The following PIP4K2A variants were observed in gnomAD, a reference collection of about 807,000 sequenced individuals.
The protein encoded by PIP4K2A is phosphatidylinositol-5-phosphate 4-kinase type 2 alpha, also known as phosphatidylinositol 5-phosphate 4-kinase type-2 alpha.
In PIP4K2A, 14 loss-of-function variants were observed where a neutral mutation model predicts 42.9. That is an observed-to-expected ratio of 0.33 (90% confidence interval 0.22 to 0.51). PIP4K2A has a LOEUF of 0.51. Ranked by LOEUF, PIP4K2A falls within the 20% of genes least tolerant of loss-of-function variation. PIP4K2A has a pLI of 0.97. For missense variants in PIP4K2A, 434 were observed against 519.8 expected (o/e 0.83, Z 1.61); for synonymous variants, 192 against 192.2 (o/e 1.00, Z 0.01).
chr10:22,590,382 T>C (rs1837483897), intron 4 of PIP4K2A, among the ~76,000 whole-genome samples: 1 of 152,210 alleles, frequency 6.6e-6, no homozygotes, highest in Non-Finnish European at 1.5e-5. Context: ...AGTGACTTAG[T>C]TGTTACGTTA....
chr10:22,547,577 C>T (rs956437975), intron 7 of PIP4K2A, among the ~76,000 whole-genome samples: 6 of 152,226 alleles, frequency 3.9e-5, no homozygotes, highest in East Asian at 1.9e-4. Context: ...CTACTCCCAC[C>T]GCCCTATCCC....
chr10:22,707,108 C>A (rs925680221), intron 1 of PIP4K2A, among the ~76,000 whole-genome samples: 6 of 152,128 alleles, frequency 3.9e-5, no homozygotes, highest in Admixed American at 1.3e-4. Flanking sequence ...TACAGCAAGA[C>A]CCTGTCTCTA....
intron 7 of PIP4K2A, among the ~76,000 whole-genome samples, chr10:22,547,968 C>A (rs537461503): frequency 1.4e-4 from 21 of 152,174 alleles, no homozygotes; most frequent in Non-Finnish European, 2.6e-4. Flanking sequence ...ATTTCTTGAG[C>A]TGTAATACAC....
chr10:22,650,424 T>G (rs1001134096), intron 1 of PIP4K2A, among the ~76,000 whole-genome samples: 2 of 152,062 alleles, frequency 1.3e-5, no homozygotes, highest in Admixed American at 1.3e-4. Flanking sequence ...CCCAGCTAAT[T>G]TTTGTAGAGA....
intron 4 of PIP4K2A, among the ~76,000 whole-genome samples, chr10:22,589,194 T>C (rs1193472684): frequency 1.3e-5 from 2 of 152,222 alleles, no homozygotes; most frequent in Non-Finnish European, 2.9e-5. Context: ...GAGATATCAC[T>C]TCGCTTTGAA....
intron 1 of PIP4K2A, among the ~76,000 whole-genome samples, chr10:22,693,107 G>T (rs1311576676): frequency 6.6e-6 from 1 of 152,088 alleles, no homozygotes; most frequent in Non-Finnish European, 1.5e-5. Context: ...AGAATCAGGG[G>T]GTGAAAATAA....
intron 1 of PIP4K2A, among the ~76,000 whole-genome samples, chr10:22,670,718 G>C (rs1481726655): frequency 6.6e-6 from 1 of 152,106 alleles, no homozygotes; most frequent in Non-Finnish European, 1.5e-5. Flanking sequence ...ACACACCCTA[G>C]AAATATTTAA....
chr10:22,677,425 AG>A (rs1839580455), intron 1 of PIP4K2A, among the ~76,000 whole-genome samples: 1 of 152,200 alleles, frequency 6.6e-6, no homozygotes, highest in African/African-American at 2.4e-5. Context: ...AGACCCCAAG[AG>A]GGAGTAGGCT....
chr10:22,612,498 G>A (rs1838071953), intron 1 of PIP4K2A, among the ~76,000 whole-genome samples: 1 of 152,196 alleles, frequency 6.6e-6, no homozygotes, highest in African/African-American at 2.4e-5. Context: ...AAATAGACAA[G>A]GTGCGTGGCA....
chr10:22,594,901 T>C (rs770122830), intron 3 of PIP4K2A, among the ~76,000 whole-genome samples: 1 of 152,218 alleles, frequency 6.6e-6, no homozygotes, highest in Non-Finnish European at 1.5e-5. Flanking sequence ...CGAATCTTGA[T>C]TCTGTCTCAA....
chr10:22,668,017 T>C (rs1564461549), intron 1 of PIP4K2A, among the ~76,000 whole-genome samples: 1 of 152,004 alleles, frequency 6.6e-6, no homozygotes, highest in Non-Finnish European at 1.5e-5. Context: ...AATGGCATGG[T>C]CTCGGCTCAC....
chr10:22,569,017 G>A, intron 5 of PIP4K2A: 1 of 1,534,482 alleles, frequency 6.5e-7, no homozygotes, highest in Non-Finnish European at 8.7e-7. Context: ...ACTTACAGTT[G>A]GCTTGGGAAA....
At position 22,632,674 on chromosome 10, in the gene PIP4K2A, C is replaced by T. The variant is rs540576626; in HGVS notation, c.145-22957G>A. 4.0e-4 allele frequency among the ~76,000 whole-genome samples: 61 copies of T among 152,290 alleles called. No individual in the cohort carries two copies. The South Asian group carries it at 6.0e-3, about 15-fold the overall frequency. On this transcript the variant is annotated intron_variant, in intron 1 of 9. Coordinates refer to ENST00000376573, the MANE Select transcript of PIP4K2A (RefSeq NM_005028.5). The stretch of plus-strand genomic sequence containing the variant: ...CATATCCCTGGCACCTAGCTCAGTG[C>T]CCCTTCATTGTTATTTTTTAATTTT...
rs1299779085 is a variant in PIP4K2A, at chr10:22,534,948, C to T, written c.*2253G>A. On this transcript the variant is annotated 3_prime_UTR_variant, in exon 10 of 10. Coordinates refer to ENST00000376573, the MANE Select transcript of PIP4K2A (RefSeq NM_005028.5). ...TTGGAACAGAGACACACAATTGGGA[C>T]AGAGGAAAAAAGGATTCATCTTGTG... 1 of 152,052 alleles carries T rather than the reference C, an allele frequency of 6.6e-6. No homozygotes were observed. Among genetic ancestry groups the T allele is most frequent in the Admixed American group, 6.5e-5 (1 of 15,272 alleles). The allele number at this position is 152,052 out of a possible 1,614,324, so 9.4% of individuals were successfully genotyped here. A position where few individuals can be genotyped will look rare whatever the true frequency, so the allele number is the denominator to read the frequency against.
intron 3 of PIP4K2A, among the ~76,000 whole-genome samples, chr10:22,600,271 G>T (rs1837729008): frequency 6.6e-6 from 1 of 151,192 alleles, no homozygotes; most frequent in Non-Finnish European, 1.5e-5. Flanking sequence ...TTTCATTTTT[G>T]GTTGAAAGAG....
intron 1 of PIP4K2A, among the ~76,000 whole-genome samples, chr10:22,684,142 G>C (rs1661036994): frequency 6.6e-6 from 1 of 152,004 alleles, no homozygotes; most frequent in African/African-American, 2.4e-5. Context: ...CCCACTCACA[G>C]TTTCAGGCCT....
At chr10:22,661,276 C>T (rs1010732723) in intron 1 of PIP4K2A, among the ~76,000 whole-genome samples, 3 of 151,836 alleles carry the variant, frequency 2.0e-5, no homozygotes, top group Admixed American at 2.0e-4. Context: ...CAACACTTAT[C>T]CTCCAAATTC....
At chr10:22,621,707 T>C (rs994930409) in intron 1 of PIP4K2A, among the ~76,000 whole-genome samples, 1 of 152,262 alleles carries the variant, frequency 6.6e-6, no homozygotes, top group African/African-American at 2.4e-5. Context: ...AGAAAATCAA[T>C]CACTGAAACA....
At chr10:22,562,052 A>G (rs1047968384) in intron 6 of PIP4K2A, among the ~76,000 whole-genome samples, 1 of 152,182 alleles carries the variant, frequency 6.6e-6, no homozygotes, top group African/African-American at 2.4e-5. Context: ...GATAGCATTT[A>G]GTAGACTGTT....
Sources: gnomAD v4.1 joint callset for allele counts (sites outside exome capture counted in the v4.1 genomes callset) on GRCh38, gnomAD v4.1.1 for gene constraint, MANE v1.5 for transcripts, NCBI Gene and HGNC (gene_info 2026-07-23, HGNC 2026-07-21) for gene names.